TAFA1: variants seen among roughly 807,000 people sequenced by gnomAD.
TAFA1 encodes TAFA chemokine like family member 1.
A neutral mutation model predicts 18.5 loss-of-function variants in TAFA1; 4 were observed. That is an observed-to-expected ratio of 0.22 (90% CI 0.11 to 0.49). TAFA1 has a LOEUF of 0.49. Ranked by LOEUF, TAFA1 falls within the 20% of genes least tolerant of loss-of-function variation. TAFA1 has a pLI of 0.98. For synonymous variants in TAFA1, 56 were observed against 55.2 expected, an observed-to-expected ratio of 1.01 and a Z score of -0.06; for missense variants, 147 against 169.0, an observed-to-expected ratio of 0.87 and a Z score of 0.72.
At chr3:68,075,828 C>T (rs1385566459) in intron 2 of TAFA1, among the ~76,000 whole-genome samples, 2 of 152,078 alleles carry the variant, frequency 1.3e-5, no homozygotes, top group South Asian at 4.1e-4. Flanking sequence ...TCCCTACTGG[C>T]TGGGACTACA....
chr3:68,021,031 CA>C (rs2106796270), intron 2 of TAFA1, among the ~76,000 whole-genome samples: 1 of 151,434 alleles, frequency 6.6e-6, no homozygotes, highest in East Asian at 1.9e-4. Flanking sequence ...ACTAAAAATA[CA>C]AAAATCAGCT....
At chr3:68,152,338 A>G (rs1465256528) in intron 2 of TAFA1, among the ~76,000 whole-genome samples, 2 of 152,142 alleles carry the variant, frequency 1.3e-5, no homozygotes, top group Non-Finnish European at 2.9e-5. Flanking sequence ...AGTTTTCCCA[A>G]ACCTCCCAGA....
At chr3:68,286,805 AAG>A (rs1361939174) in intron 2 of TAFA1, among the ~76,000 whole-genome samples, 1 of 152,170 alleles carries the variant, frequency 6.6e-6, no homozygotes, top group African/African-American at 2.4e-5. Flanking sequence ...CTAGAAGGGT[AAG>A]AGAGAAAACC....
At chr3:68,267,798 T>G (rs536081958) in intron 2 of TAFA1, among the ~76,000 whole-genome samples, 11 of 152,304 alleles carry the variant, frequency 7.2e-5, no homozygotes, top group Non-Finnish European at 1.2e-4. Flanking sequence ...TTCTTTTTCT[T>G]TTCCTGTAAG....
intron 2 of TAFA1, among the ~76,000 whole-genome samples, chr3:68,061,386 C>A (rs2064600435): frequency 1.3e-5 from 2 of 152,120 alleles, no homozygotes; most frequent in African/African-American, 2.4e-5. Context: ...GTCTGTGTGT[C>A]CTGAGAGAAG....
At chr3:68,167,977 C>T (rs544292918) in intron 2 of TAFA1, among the ~76,000 whole-genome samples, 45 of 152,172 alleles carry the variant, frequency 3.0e-4, no homozygotes, top group African/African-American at 8.2e-4. Context: ...GACAACTTTG[C>T]ACCTAAATGT....
chr3:68,122,184 C>T (rs2065407850), intron 2 of TAFA1, among the ~76,000 whole-genome samples: 1 of 151,210 alleles, frequency 6.6e-6, no homozygotes, highest in South Asian at 2.1e-4. Flanking sequence ...TCTGATATGA[C>T]TGTTCTTTAT....
At chr3:68,043,973 C>T (rs1195890892) in intron 2 of TAFA1, among the ~76,000 whole-genome samples, 4 of 152,116 alleles carry the variant, frequency 2.6e-5, no homozygotes, top group Admixed American at 6.6e-5. Flanking sequence ...CTAGAACCCC[C>T]TGCCCATTAT....
At chr3:68,099,208 A>G (rs1222179609) in intron 2 of TAFA1, among the ~76,000 whole-genome samples, 1 of 152,220 alleles carries the variant, frequency 6.6e-6, no homozygotes, top group Non-Finnish European at 1.5e-5. Flanking sequence ...ATATCAATAG[A>G]GTAAACAGAT....
At chr3:68,068,830 G>A (rs569458225) in intron 2 of TAFA1, among the ~76,000 whole-genome samples, 1 of 152,186 alleles carries the variant, frequency 6.6e-6, no homozygotes, top group African/African-American at 2.4e-5. Context: ...AAACAACAGG[G>A]GCTAACATTT....
chr3:68,425,751 C>T (rs2071039943), intron 3 of TAFA1, among the ~76,000 whole-genome samples: 1 of 151,916 alleles, frequency 6.6e-6, no homozygotes, highest in Admixed American at 6.6e-5. Context: ...TGTCATCTTT[C>T]TGTTTGTTTG....
intron 3 of TAFA1, among the ~76,000 whole-genome samples, chr3:68,460,137 C>A (rs1042310833): frequency 6.6e-6 from 1 of 152,134 alleles, no homozygotes; most frequent in Non-Finnish European, 1.5e-5. Context: ...AAAATGCCTT[C>A]TCTCCCAACA....
intron 3 of TAFA1, among the ~76,000 whole-genome samples, chr3:68,538,351 T>A (rs1034151760): frequency 2.6e-5 from 4 of 152,328 alleles, no homozygotes; most frequent in Middle Eastern, 3.4e-3. Context: ...ACAAAGGCAG[T>A]TTACTTTTGG....
At chr3:68,039,119 T>A (rs1423231228) in intron 2 of TAFA1, among the ~76,000 whole-genome samples, 3 of 152,224 alleles carry the variant, frequency 2.0e-5, no homozygotes, top group Non-Finnish European at 4.4e-5. Flanking sequence ...CAGCACTAGT[T>A]GATTGATGGC....
intron 2 of TAFA1, among the ~76,000 whole-genome samples, chr3:68,166,946 G>A (rs536931470): frequency 1.3e-5 from 2 of 152,272 alleles, no homozygotes; most frequent in South Asian, 2.1e-4. Context: ...ATGTAAACTG[G>A]CCACCTCTGG....
intron 2 of TAFA1, among the ~76,000 whole-genome samples, chr3:68,136,499 C>A (rs2065609613): frequency 6.6e-6 from 1 of 152,154 alleles, no homozygotes; most frequent in African/African-American, 2.4e-5. Context: ...GCCGCTGCAG[C>A]CTTTCTGCTG....
At chr3:68,069,226 G>T (rs2064721778) in intron 2 of TAFA1, among the ~76,000 whole-genome samples, 1 of 152,202 alleles carries the variant, frequency 6.6e-6, no homozygotes, top group African/African-American at 2.4e-5. Context: ...ACAGCAGAAA[G>T]GGTTTAAGGA....
intron 2 of TAFA1, among the ~76,000 whole-genome samples, chr3:68,080,894 A>G (rs1404422784): frequency 1.3e-5 from 2 of 152,174 alleles, no homozygotes; most frequent in African/African-American, 4.8e-5. Flanking sequence ...CCTGGATAAT[A>G]TCCTGCAGAG....
chr3:68,060,874 T>C (rs2106725087), intron 2 of TAFA1, among the ~76,000 whole-genome samples: 1 of 152,324 alleles, frequency 6.6e-6, no homozygotes, highest in South Asian at 2.1e-4. Context: ...TTAGGCGCTA[T>C]ATAATGAAAA....
Sources: allele counts gnomAD v4.1 joint callset (sites outside exome capture counted in the v4.1 genomes callset), GRCh38; gene constraint gnomAD v4.1.1; transcripts MANE v1.5; gene names NCBI Gene and HGNC (gene_info 2026-07-23, HGNC 2026-07-21).